The following SLC67A1 variants were observed in gnomAD, a reference collection of about 807,000 sequenced individuals.
SLC67A1 encodes solute carrier family 67 member 1.
At chr11:2,908,562 G>A in the SLC67A1 span, among the ~76,000 whole-genome samples, 17 of 152,212 alleles carry the variant, frequency 1.1e-4, 1 homozygote, top group Non-Finnish European at 2.1e-4. Context: ...GAGAGAGTGT[G>A]ACTGGTGAAC....
At chr11:2,911,028 G>C in the SLC67A1 span, among the ~76,000 whole-genome samples, 2 of 152,240 alleles carry the variant, frequency 1.3e-5, no homozygotes, top group East Asian at 3.9e-4. Flanking sequence ...TGGGAGCCAA[G>C]GGCCACTGGA....
the SLC67A1 span, among the ~76,000 whole-genome samples, chr11:2,914,514 G>A: frequency 6.6e-6 from 1 of 152,144 alleles, no homozygotes; most frequent in Middle Eastern, 3.2e-3. Context: ...AGGACAGCCT[G>A]CGTCTCCCCC....
the SLC67A1 span, chr11:2,914,650 C>T: frequency 0.079 from 76,031 of 962,604 alleles, 3,340 homozygotes; most frequent in Middle Eastern, 0.099. Context: ...GTTTACCCAC[C>T]ACCGCTCGAG....
chr11:2,903,562 C>A, the SLC67A1 span: 1 of 1,560,468 alleles, frequency 6.4e-7, no homozygotes, highest in Admixed American at 1.7e-5. Flanking sequence ...TCCATCTGGG[C>A]CGTCGCAGAG....
At chr11:2,917,069 G>C in the SLC67A1 span, 15 of 216,400 alleles carry the variant, frequency 6.9e-5, no homozygotes, top group Non-Finnish European at 1.3e-4. Flanking sequence ...GACCAGGAGG[G>C]ACCCCCCCAA....
chr11:2,909,209 C>T, the SLC67A1 span: 4 of 1,536,132 alleles, frequency 2.6e-6, no homozygotes, highest in South Asian at 1.2e-5. Flanking sequence ...CGCAGACCAG[C>T]GCGGGGCGCG....
At chr11:2,916,363 G>C in the SLC67A1 span, 1 of 423,292 alleles carries the variant, frequency 2.4e-6, no homozygotes, top group Non-Finnish European at 4.2e-6. Context: ...TTCCACAGCT[G>C]CTACCCACAG....
the SLC67A1 span, among the ~76,000 whole-genome samples, chr11:2,923,042 C>G: frequency 1.3e-5 from 2 of 152,198 alleles, no homozygotes; most frequent in Admixed American, 1.3e-4. This position sits in a 1 kb window ranked among gnomAD's most constrained non-coding sequence, Gnocchi z 6.5. Context: ...GACATAGATT[C>G]CCCCAGTCCC....
chr11:2,922,702 T>TCTGTGTGGAGTGTGGGGGGTGGGTGGGGG, the SLC67A1 span: 1 of 16,538 alleles, frequency 6.0e-5, no homozygotes, highest in African/African-American at 2.0e-4. Flanking sequence ...GTGGGTGGGG[T>TCTGTGTGGAGTGTGGGGGGTGGGTGGGGG]GGGGGCTTGG....
At chr11:2,903,716 C>G in the SLC67A1 span, 35 of 580,336 alleles carry the variant, frequency 6.0e-5, no homozygotes, top group Non-Finnish European at 9.8e-5. Context: ...CCGGGAGAAG[C>G]CATGGGGAGC....
At chr11:2,924,382 G>GGGC in the SLC67A1 span, among the ~76,000 whole-genome samples, 2 of 152,180 alleles carry the variant, frequency 1.3e-5, no homozygotes, top group Non-Finnish European at 2.9e-5. The surrounding 1 kb of genome is among the most constrained non-coding windows in gnomAD (Gnocchi z 8.6). Flanking sequence ...CCGCAGGGTG[G>GGGC]GGCGGCTGGA....
At chr11:2,919,269 G>T in the SLC67A1 span, 20 of 1,489,810 alleles carry the variant, frequency 1.3e-5, no homozygotes, top group Non-Finnish European at 1.7e-5. Flanking sequence ...AGGTCGGGGT[G>T]TGGGGGTACT....
chr11:2,919,651 G>T, the SLC67A1 span: 4 of 543,164 alleles, frequency 7.4e-6, no homozygotes, highest in Non-Finnish European at 1.3e-5. Context: ...ATCTGTGGCA[G>T]CCCACCTGCC....
chr11:2,903,103 C>T, the SLC67A1 span: 1 of 862,204 alleles, frequency 1.2e-6, no homozygotes. Context: ...TGCCTGGAGA[C>T]CAGAGCTGTC....
chr11:2,922,264 G>A, the SLC67A1 span: 497 of 1,547,466 alleles, frequency 3.2e-4, 3 homozygotes, highest in East Asian at 7.8e-3. Flanking sequence ...GGCCACCTGG[G>A]CGGTACCATC....
the SLC67A1 span, chr11:2,922,151 A>T: frequency 6.2e-7 from 1 of 1,613,498 alleles, no homozygotes; most frequent in Non-Finnish European, 8.5e-7. Flanking sequence ...TTCTCGGAGG[A>T]GGTGCTGCTC....
the SLC67A1 span, chr11:2,921,847 T>G: frequency 1.9e-6 from 1 of 517,364 alleles, no homozygotes; most frequent in Non-Finnish European, 3.5e-6. Flanking sequence ...GTGTCCCTGG[T>G]GTGGGCCTTT....
chr11:2,922,507 C>G, the SLC67A1 span: 27 of 1,612,898 alleles, frequency 1.7e-5, no homozygotes, highest in Non-Finnish European at 2.3e-5. Flanking sequence ...GCACCCTCAA[C>G]GTGGTCACCG....
the SLC67A1 span, chr11:2,924,979 C>A: frequency 6.3e-7 from 1 of 1,578,024 alleles, no homozygotes; most frequent in Admixed American, 1.8e-5. The surrounding 1 kb of genome is among the most constrained non-coding windows in gnomAD (Gnocchi z 8.6). Context: ...GGGAGCTGCC[C>A]AGGGCCTGAC....
Sources: gnomAD v4.1 joint callset for allele counts (sites outside exome capture counted in the v4.1 genomes callset) on GRCh38, gnomAD v4.1.1 for gene constraint, Gnocchi (gnomAD v3.1) non-coding constraint, MANE v1.5 for transcripts, NCBI Gene and HGNC (gene_info 2026-07-23, HGNC 2026-07-21) for gene names.